JADE3: variants seen among roughly 807,000 people sequenced by gnomAD.
JADE3 encodes the protein jade family PHD finger 3, also known as protein Jade-3.
A neutral mutation model predicts 50.1 loss-of-function variants in JADE3; 2 were observed. The ratio of observed to expected loss-of-function variants is 0.04; its 90% CI spans 0.02 to 0.13. The LOEUF is 0.13. Ranked by LOEUF, JADE3 falls within the 10% of genes least tolerant of loss-of-function variation. The probability of loss-of-function intolerance (pLI) is 1.00; values close to 1 mark genes in which losing one functional copy is unlikely to be tolerated. For missense variants in JADE3, 475 were observed against 634.4 expected (o/e 0.75, Z 2.70); for synonymous variants, 218 against 232.9 (o/e 0.94, Z 0.58).
chrX:47,038,726 C>T (rs929786989), intron 7 of JADE3, among the ~76,000 whole-genome samples: 23 of 109,209 alleles, frequency 2.1e-4, no homozygotes, highest in African/African-American at 7.0e-4. Flanking sequence ...TATACTCCTG[C>T]TCTCTCATCC....
At chrX:46,974,350 A>G (rs1927565619) in intron 1 of JADE3, among the ~76,000 whole-genome samples, 1 of 111,004 alleles carries the variant, frequency 9.0e-6, no homozygotes, top group Non-Finnish European at 1.9e-5. Context: ...GGTTGCAGTG[A>G]GCCAAGATCG....
chrX:47,001,490 G>A (rs1928286058), intron 4 of JADE3, among the ~76,000 whole-genome samples: 1 of 111,493 alleles, frequency 9.0e-6, no homozygotes, highest in East Asian at 2.8e-4. Context: ...TTCAATATAA[G>A]CCAGCCATAT....
At chrX:47,022,013 A>G (rs188142083) in intron 4 of JADE3, among the ~76,000 whole-genome samples, 9 of 112,470 alleles carry the variant, frequency 8.0e-5, no homozygotes, top group Admixed American at 2.8e-4. Context: ...CCCCAAGGTC[A>G]TAAATATATT....
intron 8 of JADE3, among the ~76,000 whole-genome samples, chrX:47,040,224 G>A (rs1929227314): frequency 8.9e-6 from 1 of 112,008 alleles, no homozygotes; most frequent in African/African-American, 3.2e-5. Context: ...ACCTTCTTTG[G>A]TGAAGAGGGG....
intron 4 of JADE3, among the ~76,000 whole-genome samples, chrX:47,008,849 T>G (rs1928495762): frequency 9.0e-6 from 1 of 111,407 alleles, no homozygotes; most frequent in Non-Finnish European, 1.9e-5. Flanking sequence ...GTTGTACAAA[T>G]GTATGTAGAT....
intron 10 of JADE3, among the ~76,000 whole-genome samples, chrX:47,057,414 G>T: frequency 9.0e-6 from 1 of 111,520 alleles, no homozygotes; most frequent in East Asian, 2.8e-4. Flanking sequence ...AATAGAAGAA[G>T]ACCTGCTCTG....
intron 1 of JADE3, among the ~76,000 whole-genome samples, chrX:46,957,390 TAGTA>T (rs1297359948): frequency 8.9e-6 from 1 of 112,772 alleles, no homozygotes; most frequent in Non-Finnish European, 1.9e-5. Context: ...AATCTTTGCA[TAGTA>T]TGTATTATTA....
In JADE3 at chrX:46,950,182, A is replaced by C. The variant is rs782552979; in HGVS notation, c.-11-34702A>C. ...ATATACCACAAAATTCACCTGCATA[A>C]GTATATAATTCAATGCCTTTTAATG... is the stretch of plus-strand genomic sequence containing the variant. On this transcript the variant is annotated intron_variant, in intron 1 of 10. Coordinates refer to ENST00000614628, the MANE Select transcript of JADE3 (RefSeq NM_014735.5). 1.2e-4 allele frequency among the ~76,000 whole-genome samples: 13 copies of C among 112,310 alleles called. No homozygotes were observed. The East Asian group carries it at 3.3e-3, about 29-fold the overall frequency.
intron 1 of JADE3, among the ~76,000 whole-genome samples, chrX:46,975,140 C>T (rs1927584685): frequency 8.9e-6 from 1 of 112,355 alleles, no homozygotes; most frequent in Non-Finnish European, 1.9e-5. Flanking sequence ...GTCTTTATGA[C>T]ACAGAGATGT....
chrX:46,913,218 C>G (rs1556335522), intron 1 of JADE3, among the ~76,000 whole-genome samples: 1 of 110,950 alleles, frequency 9.0e-6, no homozygotes, highest in Non-Finnish European at 1.9e-5. Context: ...CGCGCCCTGG[C>G]TGTTTAGCTG....
chrX:46,999,180 C>A (rs1279583250), intron 4 of JADE3, among the ~76,000 whole-genome samples: 2 of 109,247 alleles, frequency 1.8e-5, no homozygotes, highest in African/African-American at 6.7e-5. Context: ...TTATGATGAC[C>A]CACTCTTGTG....
intron 4 of JADE3, among the ~76,000 whole-genome samples, chrX:47,002,154 C>G (rs1478552879): frequency 9.0e-6 from 1 of 110,677 alleles, no homozygotes; most frequent in Non-Finnish European, 1.9e-5. Context: ...CTGGATCATG[C>G]TTTTAATGTC....
chrX:46,951,673 G>A (rs1193325542), intron 1 of JADE3, among the ~76,000 whole-genome samples: 6 of 105,722 alleles, frequency 5.7e-5, no homozygotes, highest in African/African-American at 2.1e-4. Flanking sequence ...ATCCTTTATT[G>A]TTATCCCACA....
At chrX:46,975,666 T>C (rs1385160191) in intron 1 of JADE3, among the ~76,000 whole-genome samples, 1 of 108,305 alleles carries the variant, frequency 9.2e-6, no homozygotes, top group Admixed American at 9.9e-5. Flanking sequence ...TTTTGGTTCA[T>C]AAATCATTTT....
In JADE3 at chrX:47,028,086, A is replaced by G; in HGVS notation, c.670A>G (p.Asn224Asp). The G allele has an allele frequency of 8.3e-7, 1 of 1,203,670 alleles. No homozygotes were observed. Among genetic ancestry groups the G allele is most frequent in the East Asian group, 3.0e-5 (1 of 33,814 alleles). Reference sequence around the variant, plus strand: ...TGATATGGTGTTCTGTGATAAGTGTAACGTCTGTGTGCATCAGGTTAGTGA... The same window carrying G: ...TGATATGGTGTTCTGTGATAAGTGTGACGTCTGTGTGCATCAGGTTAGTGA... ...GNDMVFCDKC[N>D]VCVHQACYGI... Residue 224 changes from asparagine to aspartate, a missense_variant, in exon 6 of 11, where the codon AAC becomes GAC. Physicochemically the swap from Asn to Asp is conservative, Grantham distance 23. This residue lies in a region of JADE3 where 54 missense variants were observed against 156.2 expected (regional missense o/e 0.35). Coordinates refer to ENST00000614628, the MANE Select transcript of JADE3 (RefSeq NM_014735.5).
Position 47,060,573 on chromosome X carries a change from C to G in JADE3, c.*1496C>G, listed in dbSNP as rs782538736. The G allele has an allele frequency of 8.9e-6, 1 of 111,951 alleles. No homozygotes were observed. The highest frequency in any genetic ancestry group is 1.9e-5 in the Non-Finnish European group (1 of 53,165). 9.2% of individuals were successfully genotyped at this position (111,951 alleles called of 1,213,427 possible). On this transcript the variant is annotated 3_prime_UTR_variant, in exon 11 of 11. Transcript: ENST00000614628. The stretch of plus-strand genomic sequence containing the variant: ...GTAACGTTGTTAATGGGTTCCTTTG[C>G]TTTTTGCTTTCTCCTTTTCTGAAAA...
chrX:47,047,266 G>T (rs782739760), intron 8 of JADE3, among the ~76,000 whole-genome samples: 7 of 112,280 alleles, frequency 6.2e-5, no homozygotes, highest in African/African-American at 2.3e-4. Flanking sequence ...TGTTTTTCCA[G>T]CTGGGCACGG....
chrX:46,954,428 T>C (rs1306391161), intron 1 of JADE3, among the ~76,000 whole-genome samples: 1 of 112,656 alleles, frequency 8.9e-6, no homozygotes, highest in Admixed American at 9.4e-5. Flanking sequence ...TTGTTAGTTA[T>C]GTGGTACAGA....
In JADE3 at chrX:47,007,805, TTTTGTGTGTGTGTGTGTGTG is replaced by T. The variant is rs1180598324; in HGVS notation, c.284+9530_284+9549del. Among the ~76,000 whole-genome samples, 417 of 79,835 alleles carry T rather than the reference TTTTGTGTGTGTGTGTGTGTG, an allele frequency of 5.2e-3. 1 individual carries two copies. Among genetic ancestry groups the T allele is most frequent in the Non-Finnish European group, 6.7e-3 (275 of 40,948 alleles). The allele number at this position is 79,835 out of a possible 115,157, so 69.3% of individuals were successfully genotyped here. On this transcript the variant is annotated intron_variant, in intron 4 of 10. Coordinates refer to ENST00000614628, the MANE Select transcript of JADE3 (RefSeq NM_014735.5). The stretch of plus-strand genomic sequence containing the variant: ...GTTAGGACTTCAGCGTGTCCTTTTA[TTTTGTGTGTGTGTGTGTGTG>T]TGTGTGTGTGTGTGTGTGTGTGTGT...
Sources: allele counts gnomAD v4.1 joint callset (sites outside exome capture counted in the v4.1 genomes callset), GRCh38; gene constraint gnomAD v4.1.1; regional missense constraint gnomAD v4.1.1; transcripts MANE v1.5; gene names NCBI Gene and HGNC (gene_info 2026-07-23, HGNC 2026-07-21).